The following GABRA3 variants were observed in gnomAD, a reference collection of about 807,000 sequenced individuals.
GABRA3 encodes gamma-aminobutyric acid receptor subunit alpha-3.
A neutral mutation model predicts 30.1 loss-of-function variants in GABRA3; 10 were observed. The observed-to-expected ratio is 0.33, with a 90% confidence interval of 0.20 to 0.56. The LOEUF (loss-of-function observed/expected upper bound fraction) is 0.56, where lower values mean the gene tolerates loss of function less well. GABRA3 is among the 20% of genes least tolerant of loss of function. The pLI, the probability that GABRA3 is intolerant of heterozygous loss-of-function variation, is 0.89. For missense variants in GABRA3, 233 were observed against 392.0 expected, an observed-to-expected ratio of 0.59 and a Z score of 3.42; for synonymous variants, 151 against 146.8, an observed-to-expected ratio of 1.03 and a Z score of -0.21.
rs772212493 is a variant in GABRA3, at chrX:152,212,340, T to A, written c.635-4196A>T. ...AAAAAAAAAAAAAAAAATTCCAAAT[T>A]GCCTACCCTAAGAACTAAGGGTTTT... is the stretch of plus-strand genomic sequence containing the variant. On this transcript the variant is annotated intron_variant, in intron 6 of 9. Transcript: ENST00000370314. Among the ~76,000 whole-genome samples the A allele has an allele frequency of 2.2e-4, 16 of 73,869 alleles. 1 individual carries two copies. Among genetic ancestry groups the A allele is most frequent in the African/African-American group, 7.1e-4 (13 of 18,367 alleles). 64.1% of individuals were successfully genotyped at this position (73,869 alleles called of 115,157 possible). A position where few individuals can be genotyped will look rare whatever the true frequency, so the allele number is the denominator to read the frequency against.
chrX:152,276,940 T>C (rs1324260517), intron 4 of GABRA3, among the ~76,000 whole-genome samples: 2 of 111,642 alleles, frequency 1.8e-5, no homozygotes, highest in African/African-American at 6.5e-5. Context: ...AACAGGGAAA[T>C]GGTATCAGGG....
chrX:152,168,122 G>T lies in GABRA3; in HGVS notation c.*106C>A. 1.7e-6 allele frequency: 1 copy of T among 586,885 alleles called. No homozygotes were observed. Among genetic ancestry groups the T allele is most frequent in the Non-Finnish European group, 2.8e-6 (1 of 356,722 alleles). The allele number at this position is 586,885 out of a possible 1,213,427, so 48.4% of individuals were successfully genotyped here. On this transcript the variant is annotated 3_prime_UTR_variant, in exon 10 of 10. Coordinates refer to ENST00000370314, the MANE Select transcript of GABRA3 (RefSeq NM_000808.4). Reference sequence around the variant, plus strand: ...ATTGAGGGTCACAGCTTGGTAGAGGGGTAAAAAGGAGAATCCTGAAATACG... The same window carrying T: ...ATTGAGGGTCACAGCTTGGTAGAGGTGTAAAAAGGAGAATCCTGAAATACG...
chrX:152,227,609 T>TAA lies in GABRA3; in HGVS notation c.552-2766_552-2765dup, dbSNP rs56151403. On this transcript the variant is annotated intron_variant, in intron 5 of 9. Coordinates refer to ENST00000370314, the MANE Select transcript of GABRA3 (RefSeq NM_000808.4). ...ATTAAATGGGTTACATTTTTTTTTT[T>TAA]AAAAAAAAAAGAACATTCCCATCAG... 2.2e-3 allele frequency among the ~76,000 whole-genome samples: 224 copies of TAA among 99,758 alleles called. 2 individuals carry two copies. The highest frequency in any genetic ancestry group is 7.6e-3 in the African/African-American group (201 of 26,461). The allele number at this position is 99,758 out of a possible 115,157, so 86.6% of individuals were successfully genotyped here.
At chrX:152,173,979 C>T (rs1023734735) in intron 9 of GABRA3, among the ~76,000 whole-genome samples, 1 of 109,520 alleles carries the variant, frequency 9.1e-6, no homozygotes, top group African/African-American at 3.3e-5. Flanking sequence ...TGTGATGTTC[C>T]CCTTCCTGTG....
chrX:152,202,037 G>C (rs1937490876), intron 7 of GABRA3, among the ~76,000 whole-genome samples: 1 of 112,124 alleles, frequency 8.9e-6, no homozygotes, highest in African/African-American at 3.2e-5. Flanking sequence ...CGCCAAATTA[G>C]GGAAAACAGG....
intron 2 of GABRA3, among the ~76,000 whole-genome samples, chrX:152,347,143 G>A (rs993458048): frequency 8.9e-6 from 1 of 111,974 alleles, no homozygotes; most frequent in Non-Finnish European, 1.9e-5. Context: ...CGTACACACT[G>A]GAGTACTATT....
intron 6 of GABRA3, among the ~76,000 whole-genome samples, chrX:152,215,509 T>C (rs914615464): frequency 1.8e-5 from 2 of 111,373 alleles, no homozygotes; most frequent in Non-Finnish European, 3.8e-5. Flanking sequence ...ATCCCACTTG[T>C]CTTTTCAACA....
intron 4 of GABRA3, among the ~76,000 whole-genome samples, chrX:152,268,358 A>C (rs920972030): frequency 8.9e-6 from 1 of 111,740 alleles, no homozygotes; most frequent in Non-Finnish European, 1.9e-5. Flanking sequence ...ATAGTGAATA[A>C]GTTTCATGAG....
intron 1 of GABRA3, among the ~76,000 whole-genome samples, chrX:152,407,768 C>A (rs1929971882): frequency 9.0e-6 from 1 of 111,620 alleles, no homozygotes; most frequent in African/African-American, 3.3e-5. Flanking sequence ...GAAGACACAA[C>A]AACAGCAACA....
intron 1 of GABRA3, among the ~76,000 whole-genome samples, chrX:152,365,238 AC>A (rs1375605542): frequency 4.5e-5 from 5 of 111,776 alleles, no homozygotes; most frequent in Admixed American, 1.9e-4. Context: ...TTGAGAAAAT[AC>A]TGAATAATGA....
chrX:152,179,198 T>G (rs1387621446), intron 9 of GABRA3, among the ~76,000 whole-genome samples: 1 of 111,896 alleles, frequency 8.9e-6, no homozygotes, highest in Non-Finnish European at 1.9e-5. Context: ...TTGCATGTAT[T>G]TATCATGTAC....
chrX:152,236,052 G>A (rs1266825436), intron 5 of GABRA3, among the ~76,000 whole-genome samples: 2 of 89,211 alleles, frequency 2.2e-5, no homozygotes, highest in African/African-American at 8.4e-5. Context: ...GTGCAGGTTA[G>A]TTACATATGT....
rs192661409 is a variant in GABRA3 at position 152,275,659 on chromosome X, T to G, written c.330+9009A>C. Among the ~76,000 whole-genome samples the G allele has an allele frequency of 2.9e-3, 313 of 107,600 alleles. 4 individuals carry two copies. The highest frequency in any genetic ancestry group is 0.01 in the African/African-American group (306 of 29,891). 93.4% of individuals were successfully genotyped at this position (107,600 alleles called of 115,157 possible). A position where few individuals can be genotyped will look rare whatever the true frequency, so the allele number is the denominator to read the frequency against. ...CTGTAATCCTAGCTACTGGGGAGGC[T>G]GAGGCAGGAGAATCGCTTGAACCTG... On this transcript the variant is annotated intron_variant, in intron 4 of 9. Coordinates refer to ENST00000370314, the MANE Select transcript of GABRA3 (RefSeq NM_000808.4).
chrX:152,339,083 C>T (rs1263774372), intron 3 of GABRA3, among the ~76,000 whole-genome samples: 3 of 110,304 alleles, frequency 2.7e-5, no homozygotes, highest in East Asian at 2.8e-4. Context: ...TTTGGTATAT[C>T]GGTAGAGATT....
chrX:152,181,658 C>A (rs1419728303), intron 9 of GABRA3, among the ~76,000 whole-genome samples: 2 of 109,000 alleles, frequency 1.8e-5, no homozygotes, highest in African/African-American at 6.7e-5. Flanking sequence ...ACATCACACT[C>A]TGGGGCCTGT....
rs148426919 is a variant in GABRA3, at chrX:152,243,927, A to G, written c.551+11851T>C. Among the ~76,000 whole-genome samples the G allele has an allele frequency of 5.7e-3, 635 of 112,338 alleles. 9 individuals are homozygous for G. The highest frequency in any genetic ancestry group is 0.019 in the African/African-American group (599 of 30,974). On this transcript the variant is annotated intron_variant, in intron 5 of 9. Transcript: ENST00000370314. Reference sequence around the variant, plus strand: ...ATTTCTTTCTATACCTTTGGAATAGAGACAAATTAGTGACTTGGCTATTTG... The same window carrying G: ...ATTTCTTTCTATACCTTTGGAATAGGGACAAATTAGTGACTTGGCTATTTG...
intron 3 of GABRA3, among the ~76,000 whole-genome samples, chrX:152,330,274 T>G (rs1483228586): frequency 8.9e-6 from 1 of 112,021 alleles, no homozygotes. Context: ...GTTCAACTAT[T>G]GTGGAAGACA....
chrX:152,298,083 C>T (rs1036533141), intron 3 of GABRA3, among the ~76,000 whole-genome samples: 5 of 112,029 alleles, frequency 4.5e-5, no homozygotes, highest in African/African-American at 1.6e-4. Flanking sequence ...CTAAATATTA[C>T]AGGGATATGC....
At chrX:152,236,320 G>C (rs1302112819) in intron 5 of GABRA3, among the ~76,000 whole-genome samples, 20 of 104,914 alleles carry the variant, frequency 1.9e-4, no homozygotes, top group Non-Finnish European at 3.9e-4. Flanking sequence ...CAAAGGACAT[G>C]AACTCATCCT....
Sources: gnomAD v4.1 joint callset for allele counts (sites outside exome capture counted in the v4.1 genomes callset) on GRCh38, gnomAD v4.1.1 for gene constraint, MANE v1.5 for transcripts, NCBI Gene and HGNC (gene_info 2026-07-23, HGNC 2026-07-21) for gene names.